TRDN: variants seen among roughly 807,000 people sequenced by gnomAD.
The protein encoded by TRDN is triadin in skeletal muscle.
Under a neutral mutation model 149.7 loss-of-function variants are expected in TRDN, and 161 were observed. The observed-to-expected ratio is 1.08, with a 90% CI of 0.95 to 1.23. TRDN has a LOEUF of 1.23. TRDN is among the 50% of genes most tolerant of loss of function. TRDN has a pLI of 0.00. For missense variants in TRDN, 896 were observed against 823.5 expected (o/e 1.09, Z -1.08); for synonymous variants, 294 against 250.5 (o/e 1.17, Z -1.64).
chr6:123,502,532 CAG>C, intron 8 of TRDN: 1 of 972,878 alleles, frequency 1.0e-6, no homozygotes, highest in African/African-American at 1.8e-5. Context: ...TCATATAAAT[CAG>C]AGTTGACAAA....
At chr6:123,537,861 A>T (rs996212425) in intron 4 of TRDN, among the ~76,000 whole-genome samples, 2 of 152,220 alleles carry the variant, frequency 1.3e-5, no homozygotes, top group African/African-American at 4.8e-5. Context: ...TGTTTTGCTT[A>T]TGATCGTTTT....
chr6:123,265,006 G>A (rs772579922), intron 33 of TRDN, among the ~76,000 whole-genome samples: 9 of 151,922 alleles, frequency 5.9e-5, no homozygotes, highest in Admixed American at 1.3e-4. Flanking sequence ...CAATACCCCC[G>A]AGGTATGCCA....
chr6:123,234,294 T>C (rs886623683), intron 38 of TRDN, among the ~76,000 whole-genome samples: 2 of 152,118 alleles, frequency 1.3e-5, no homozygotes, highest in African/African-American at 4.8e-5. Flanking sequence ...ACAATCACTT[T>C]CATATCATAT....
chr6:123,587,315 C>T (rs556797917), intron 1 of TRDN, among the ~76,000 whole-genome samples: 3 of 151,774 alleles, frequency 2.0e-5, no homozygotes, highest in African/African-American at 4.8e-5. Context: ...TTTGGGTCCA[C>T]GGATAAAACG....
intron 38 of TRDN, among the ~76,000 whole-genome samples, chr6:123,239,387 T>C (rs1402106664): frequency 6.6e-6 from 1 of 152,118 alleles, no homozygotes; most frequent in Non-Finnish European, 1.5e-5. Flanking sequence ...TACAGGGTAA[T>C]TAAAAAGACA....
At chr6:123,634,169 G>T (rs1333296733) in intron 1 of TRDN, among the ~76,000 whole-genome samples, 3 of 151,952 alleles carry the variant, frequency 2.0e-5, no homozygotes, top group Non-Finnish European at 2.9e-5. Context: ...GATGGTTCTT[G>T]CCTGTATTCC....
chr6:123,234,648 A>G (rs1275619170), intron 38 of TRDN, among the ~76,000 whole-genome samples: 3 of 152,166 alleles, frequency 2.0e-5, no homozygotes, highest in Non-Finnish European at 4.4e-5. Context: ...CTTAAAAACT[A>G]TTGGACACTA....
chr6:123,396,867 G>A (rs1772752748), intron 12 of TRDN, among the ~76,000 whole-genome samples: 1 of 152,086 alleles, frequency 6.6e-6, no homozygotes, highest in African/African-American at 2.4e-5. Flanking sequence ...TTCATTTAAT[G>A]TAAAGTGCAA....
At chr6:123,398,251 TGCCTCG>T (rs1772816306) in intron 12 of TRDN, among the ~76,000 whole-genome samples, 1 of 152,186 alleles carries the variant, frequency 6.6e-6, no homozygotes, top group African/African-American at 2.4e-5. Flanking sequence ...GTGATTCACC[TGCCTCG>T]GCCTCCCAAA....
intron 38 of TRDN, among the ~76,000 whole-genome samples, chr6:123,226,612 G>C (rs901526154): frequency 6.6e-6 from 1 of 151,848 alleles, no homozygotes; most frequent in Non-Finnish European, 1.5e-5. Context: ...GCACAAGAAA[G>C]TAAACGGCAA....
intron 5 of TRDN, among the ~76,000 whole-genome samples, chr6:123,518,989 C>T (rs1017417138): frequency 2.0e-5 from 3 of 152,188 alleles, no homozygotes; most frequent in Non-Finnish European, 4.4e-5. Flanking sequence ...GCTGCATTCG[C>T]TTGAGCGTCT....
intron 1 of TRDN, among the ~76,000 whole-genome samples, chr6:123,603,084 T>C (rs1226426371): frequency 1.2e-5 from 1 of 80,682 alleles, no homozygotes; most frequent in Non-Finnish European, 3.5e-5. Flanking sequence ...CAAGGACTAA[T>C]GTATAACAAA....
intron 1 of TRDN, among the ~76,000 whole-genome samples, chr6:123,612,696 C>CCT (rs200663813): frequency 0.053 from 8,098 of 152,076 alleles, 733 homozygotes; most frequent in African/African-American, 0.18. Context: ...CACCACTGTG[C>CCT]GTCAAGATGA....
At chr6:123,309,535 G>T (rs1432227060) in intron 24 of TRDN, among the ~76,000 whole-genome samples, 4 of 151,944 alleles carry the variant, frequency 2.6e-5, no homozygotes, top group African/African-American at 9.7e-5. Context: ...GGGGCAAAGG[G>T]AGTAAAATTC....
intron 4 of TRDN, among the ~76,000 whole-genome samples, chr6:123,541,562 C>G (rs1780836627): frequency 6.6e-6 from 1 of 152,158 alleles, no homozygotes; most frequent in Non-Finnish European, 1.5e-5. Flanking sequence ...CACAGGTCTG[C>G]TCCATGCTTG....
At chr6:123,616,715 T>A (rs1785106238) in intron 1 of TRDN, among the ~76,000 whole-genome samples, 1 of 152,186 alleles carries the variant, frequency 6.6e-6, no homozygotes, top group East Asian at 1.9e-4. Context: ...CAGGTCAAAC[T>A]GATACAACTT....
At chr6:123,403,013 C>A (rs1049625404) in intron 12 of TRDN, among the ~76,000 whole-genome samples, 1 of 152,084 alleles carries the variant, frequency 6.6e-6, no homozygotes, top group African/African-American at 2.4e-5. Context: ...AAGGAGGGTC[C>A]TTGAAAAGAT....
At chr6:123,404,765 G>A (rs755288616) in intron 12 of TRDN, among the ~76,000 whole-genome samples, 4 of 152,110 alleles carry the variant, frequency 2.6e-5, no homozygotes, top group South Asian at 2.1e-4. Flanking sequence ...TTTAGTTCAC[G>A]TTTGTGTCAT....
chr6:123,349,039 C>T lies in TRDN; in HGVS notation c.1369+3500G>A, dbSNP rs567097361. 3.8e-4 allele frequency among the ~76,000 whole-genome samples: 57 copies of T among 151,922 alleles called. 1 individual carries two copies. Among genetic ancestry groups the T allele is most frequent in the Non-Finnish European group, 5.4e-4 (37 of 67,964 alleles). On this transcript the variant is annotated intron_variant, in intron 21 of 40. Coordinates refer to ENST00000334268, the MANE Select transcript of TRDN (RefSeq NM_006073.4). ...TAACAATATGAACTTCCATTGAGTA[C>T]GTATTATTCTGCTGTGATAAGTAGG...
Sources: allele counts gnomAD v4.1 joint callset (sites outside exome capture counted in the v4.1 genomes callset), GRCh38; gene constraint gnomAD v4.1.1; transcripts MANE v1.5; gene names NCBI Gene and HGNC (gene_info 2026-07-23, HGNC 2026-07-21).